Variants in TNRC6A observed in about 807,000 individuals in gnomAD.
TNRC6A encodes the protein trinucleotide repeat containing adaptor 6A, also known as trinucleotide repeat-containing gene 6A protein.
In TNRC6A, 44 loss-of-function variants were observed where a neutral mutation model predicts 221.2. The observed-to-expected ratio is 0.20, with a 90% CI of 0.16 to 0.26. The LOEUF (loss-of-function observed/expected upper bound fraction) is 0.26, where lower values mean the gene tolerates loss of function less well. Among genes scored for constraint, TNRC6A ranks in the 10% least tolerant of loss-of-function variants. The pLI, the probability that TNRC6A is intolerant of heterozygous loss-of-function variation, is 1.00. For missense variants in TNRC6A, 2,199 were observed against 2,404.4 expected, an observed-to-expected ratio of 0.91 and a Z score of 1.79; for synonymous variants, 847 against 838.5, an observed-to-expected ratio of 1.01 and a Z score of -0.18.
intron 2 of TNRC6A, among the ~76,000 whole-genome samples, chr16:24,743,295 C>A (rs1421304626): frequency 6.6e-6 from 1 of 152,104 alleles, no homozygotes; most frequent in Non-Finnish European, 1.5e-5. Context: ...AACTCACTAA[C>A]TTTCCTCAAT....
At chr16:24,781,299 T>A (rs1167158511) in intron 5 of TNRC6A, among the ~76,000 whole-genome samples, 3 of 152,070 alleles carry the variant, frequency 2.0e-5, no homozygotes, top group Admixed American at 6.5e-5. Flanking sequence ...GCTCAAGCTA[T>A]CTGCCTGCCT....
At chr16:24,616,978 C>T (rs1203934816) in intron 1 of TNRC6A, among the ~76,000 whole-genome samples, 1 of 151,570 alleles carries the variant, frequency 6.6e-6, no homozygotes, top group Non-Finnish European at 1.5e-5. Context: ...ATATGTTAGG[C>T]CAAACTTGTT....
intron 2 of TNRC6A, 143 bp downstream of exon 2, chr16:24,730,443 G>T (rs1206512918): frequency 3.6e-6 from 3 of 832,352 alleles, no homozygotes; most frequent in Non-Finnish European, 5.5e-6. Context: ...CGGCCTGGGG[G>T]AATACTGGAG....
intron 2 of TNRC6A, among the ~76,000 whole-genome samples, chr16:24,741,539 A>T (rs148021629): frequency 1.4e-3 from 207 of 152,002 alleles, no homozygotes; most frequent in African/African-American, 4.8e-3. Context: ...GAGGAGTTTT[A>T]TGTTTGTATT....
chr16:24,732,333 A>T (rs2056664012), intron 2 of TNRC6A, among the ~76,000 whole-genome samples: 2 of 152,228 alleles, frequency 1.3e-5, no homozygotes, highest in African/African-American at 4.8e-5. Flanking sequence ...TCATTGAGTA[A>T]CCATTTTTTG....
At chr16:24,740,417 T>C (rs752453567) in intron 2 of TNRC6A, among the ~76,000 whole-genome samples, 9 of 152,222 alleles carry the variant, frequency 5.9e-5, no homozygotes, top group Non-Finnish European at 1.3e-4. Context: ...TTTTATAATA[T>C]TAAGTCTTCC....
chr16:24,729,334 T>G (rs1596557313), upstream of TNRC6A, among the ~76,000 whole-genome samples: 12 of 95,018 alleles, frequency 1.3e-4, no homozygotes, highest in Non-Finnish European at 1.7e-4. Context: ...CGTGTGTCAG[T>G]GGGGGAGGGG....
intron 5 of TNRC6A, chr16:24,778,366 C>T (rs937150657): frequency 2.4e-5 from 24 of 981,658 alleles, no homozygotes; most frequent in Non-Finnish European, 2.8e-5. Flanking sequence ...AGATCCTGGA[C>T]TCACATCAAG....
chr16:24,651,395 A>C (rs1411108119), intron 2 of TNRC6A, among the ~76,000 whole-genome samples: 1 of 151,674 alleles, frequency 6.6e-6, no homozygotes, highest in Non-Finnish European at 1.5e-5. Flanking sequence ...AAAATCAGCC[A>C]CACATGGTGG....
At chr16:24,630,552 CCTT>C (rs1418598466) in intron 1 of TNRC6A, among the ~76,000 whole-genome samples, 1 of 152,082 alleles carries the variant, frequency 6.6e-6, no homozygotes, top group African/African-American at 2.4e-5. Context: ...CTCTGGCTCT[CCTT>C]CTCCCTCTAG....
chr16:24,704,310 T>G (rs569403351), intron 2 of TNRC6A, among the ~76,000 whole-genome samples: 38 of 151,984 alleles, frequency 2.5e-4, no homozygotes, highest in African/African-American at 8.7e-4. Flanking sequence ...ATTGCATGTG[T>G]GTATTCATAT....
Position 24,823,931 on chromosome 16 carries a change from T to C in TNRC6A, c.*124T>C. ...AGCTATTCTCTGCACATTTTCCACT[T>C]TGTTTTCCCCAAAACATATCAGTTT... is the stretch of plus-strand genomic sequence containing the variant. On this transcript the variant is annotated 3_prime_UTR_variant, in exon 25 of 25. Coordinates refer to ENST00000395799, the MANE Select transcript of TNRC6A (RefSeq NM_014494.4). This position sits in a 1 kb window ranked among gnomAD's most constrained non-coding sequence, Gnocchi z 4.3. The C allele has an allele frequency of 9.8e-7, 1 of 1,016,584 alleles. No individual in the cohort carries two copies. The highest frequency in any genetic ancestry group is 1.3e-6 in the Non-Finnish European group (1 of 752,676). The allele number at this position is 1,016,584 out of a possible 1,614,324, so 63.0% of individuals were successfully genotyped here. A position where few individuals can be genotyped will look rare whatever the true frequency, so the allele number is the denominator to read the frequency against.
chr16:24,788,553 C>T (rs1486273410), intron 5 of TNRC6A, among the ~76,000 whole-genome samples: 8 of 152,166 alleles, frequency 5.3e-5, no homozygotes, highest in African/African-American at 9.7e-5. Context: ...CTATTCACTT[C>T]TCCTTACCTG....
intron 2 of TNRC6A, among the ~76,000 whole-genome samples, chr16:24,719,794 T>C (rs2056378082): frequency 6.6e-6 from 1 of 151,486 alleles, no homozygotes; most frequent in South Asian, 2.1e-4. Context: ...TGAGCTATAA[T>C]TGCACCATTG....
intron 6 of TNRC6A, among the ~76,000 whole-genome samples, chr16:24,792,325 CCTCT>C (rs1425465371): frequency 1.3e-5 from 2 of 152,024 alleles, no homozygotes; most frequent in African/African-American, 4.8e-5. Context: ...TCCTTACTTT[CCTCT>C]CTAATAATGA....
At chr16:24,676,601 C>T (rs1327339044) in intron 2 of TNRC6A, among the ~76,000 whole-genome samples, 1 of 152,084 alleles carries the variant, frequency 6.6e-6, no homozygotes, top group Non-Finnish European at 1.5e-5. Context: ...GACTCAGGCA[C>T]ACGCCACCAC....
chr16:24,772,972 T>A lies in TNRC6A; in HGVS notation c.164-3961T>A, dbSNP rs2057643569. The stretch of plus-strand genomic sequence containing the variant: ...CCAGCTTTTCAAACTATTTATAGAT[T>A]TGAACATAAATATATTAATTGCCGA... On this transcript the variant is annotated intron_variant, in intron 4 of 24. Coordinates refer to ENST00000395799, the MANE Select transcript of TNRC6A (RefSeq NM_014494.4). Among the ~76,000 whole-genome samples the A allele has an allele frequency of 2.0e-5, 3 of 152,254 alleles. No individual in the cohort carries two copies. In the South Asian group the frequency reaches 6.2e-4, roughly 31 times the overall value.
intron 2 of TNRC6A, among the ~76,000 whole-genome samples, chr16:24,645,590 G>T (rs894528473): frequency 2.0e-5 from 3 of 151,760 alleles, no homozygotes; most frequent in Non-Finnish European, 4.4e-5. Flanking sequence ...GAATGTAAAA[G>T]GATGCTGTAT....
chr16:24,764,927 TAAA>T (rs1455948940), intron 4 of TNRC6A, among the ~76,000 whole-genome samples: 5 of 152,156 alleles, frequency 3.3e-5, no homozygotes, highest in Non-Finnish European at 5.9e-5. Context: ...CAACTAATAA[TAAA>T]ATAAAATAGA....
Sources: allele counts gnomAD v4.1 joint callset (sites outside exome capture counted in the v4.1 genomes callset), GRCh38; gene constraint gnomAD v4.1.1; non-coding constraint Gnocchi (gnomAD v3.1); transcripts MANE v1.5; gene names NCBI Gene and HGNC (gene_info 2026-07-23, HGNC 2026-07-21).